PSG4: variants seen among roughly 807,000 people sequenced by gnomAD.
The protein encoded by PSG4 is pregnancy specific beta-1-glycoprotein 4.
A neutral mutation model predicts 44.3 loss-of-function variants in PSG4; 61 were observed. That is an observed-to-expected ratio of 1.38 (90% CI 1.12 to 1.70). The LOEUF is 1.70. PSG4 is among the 40% of genes most tolerant of loss of function. The pLI, the probability that PSG4 is intolerant of heterozygous loss-of-function variation, is 0.00. For synonymous variants in PSG4, 248 were observed against 191.3 expected, an observed-to-expected ratio of 1.30 and a Z score of -2.45; for missense variants, 677 against 511.7, an observed-to-expected ratio of 1.32 and a Z score of -3.12.
intron 1 of PSG4, 59 bp from the exon 2 acceptor site, chr19:43,204,310 G>T: frequency 6.7e-7 from 1 of 1,486,820 alleles, no homozygotes; most frequent in Non-Finnish European, 9.0e-7. Context: ...GTGAAAAGAT[G>T]GGTCCTGAGA....
At chr19:43,202,285 G>C (rs1291399498) in intron 2 of PSG4, among the ~76,000 whole-genome samples, 4 of 143,820 alleles carry the variant, frequency 2.8e-5, no homozygotes, top group African/African-American at 8.1e-5. Flanking sequence ...GAGACCCCAG[G>C]GACCAGGTGC....
chr19:43,203,650 C>G, intron 2 of PSG4: 1 of 686,652 alleles, frequency 1.5e-6, no homozygotes. Flanking sequence ...TGCTGAGTCC[C>G]CCCATCAGAC....
rs1199038157 is a variant in PSG4, at chr19:43,204,259, G to T, written c.65-8C>A. On this transcript the variant is annotated splice_polypyrimidine_tract_variant and splice_region_variant and intron_variant, in intron 1 of 5. Coordinates refer to ENST00000405312, the MANE Select transcript of PSG4 (RefSeq NM_002780.5). ...AGAAGTTTAAAAGTGATGCTAGGAG[G>T]TACAGAGAGCATCAGTTAATATTGA... 2.6e-6 allele frequency: 4 copies of T among 1,562,246 alleles called. No homozygotes were observed. The highest frequency in any genetic ancestry group is 2.9e-5 in the African/African-American group (2 of 68,104).
At chr19:43,197,271 G>A (rs56405135) in intron 3 of PSG4, among the ~76,000 whole-genome samples, 7,424 of 145,236 alleles carry the variant, frequency 0.051, 864 homozygotes, top group Non-Finnish European at 0.067. Context: ...CAGAGGGCAG[G>A]TGGCTTTTCC....
Position 43,193,877 on chromosome 19 carries a change from T to A in PSG4, c.1243+463A>T. ...GCAAATATGTGTATTACCATAAACA[T>A]ATCAATACTCATGAATAGTTGCCCA... On this transcript the variant is annotated intron_variant, in intron 5 of 5. Coordinates refer to ENST00000405312, the MANE Select transcript of PSG4 (RefSeq NM_002780.5). 6 of 667,252 alleles carry A rather than the reference T, an allele frequency of 9.0e-6. No individual in the cohort carries two copies. In the South Asian group the frequency reaches 9.9e-5, roughly 11 times the overall value. 41.3% of individuals were successfully genotyped at this position (667,252 alleles called of 1,614,324 possible). A position where few individuals can be genotyped will look rare whatever the true frequency, so the allele number is the denominator to read the frequency against.
At chr19:43,205,111 C>CTTTTTTCTTTTTTTT (rs1967717514) in intron 1 of PSG4, among the ~76,000 whole-genome samples, 1 of 90,852 alleles carries the variant, frequency 1.1e-5, no homozygotes, top group Non-Finnish European at 1.9e-5. Flanking sequence ...TTCCTTTTTT[C>CTTTTTTCTTTTTTTT]TTTTTTTTTT....
At chr19:43,198,671 G>C in intron 2 of PSG4, 6 of 201,130 alleles carry the variant, frequency 3.0e-5, no homozygotes, top group Non-Finnish European at 5.8e-5. Flanking sequence ...CCCGAGGTAT[G>C]TTTTCTCTGC....
rs1440463558 is a variant in PSG4 at position 43,201,786 on chromosome 19, C to A, written c.430+2100G>T. Among the ~76,000 whole-genome samples the A allele has an allele frequency of 5.0e-5, 7 of 140,788 alleles. 1 individual carries two copies. The highest frequency in any genetic ancestry group is 2.7e-4 in the East Asian group (1 of 3,712). The allele number at this position is 140,788 out of a possible 152,430, so 92.4% of individuals were successfully genotyped here. The stretch of plus-strand genomic sequence containing the variant: ...TTGGCAGACTTGGAGTCGTTAAAAT[C>A]TTTCTTGACTAGAAACCAACATTTC... On this transcript the variant is annotated intron_variant, in intron 2 of 5. Coordinates refer to ENST00000405312, the MANE Select transcript of PSG4 (RefSeq NM_002780.5).
chr19:43,203,737 C>G, intron 2 of PSG4, 149 bp downstream of exon 2: 1 of 1,362,666 alleles, frequency 7.3e-7, no homozygotes, highest in Non-Finnish European at 9.9e-7. Flanking sequence ...TTTGTCTCCT[C>G]TGTGTGTCCT....
chr19:43,193,212 T>C lies in PSG4; in HGVS notation c.*160A>G, dbSNP rs1967086599. 2 of 762,218 alleles carry C rather than the reference T, an allele frequency of 2.6e-6. No individual in the cohort carries two copies. Among genetic ancestry groups the C allele is most frequent in the Non-Finnish European group, 4.8e-6 (2 of 416,334 alleles). 47.2% of individuals were successfully genotyped at this position (762,218 alleles called of 1,614,324 possible). A position where few individuals can be genotyped will look rare whatever the true frequency, so the allele number is the denominator to read the frequency against. ...GTAGCTGTTGTTATGGTGTCGAACATTTTGGTGAGTTCTGAGTGGCTCACA... is the reference window on the plus strand; with the variant it reads ...GTAGCTGTTGTTATGGTGTCGAACACTTTGGTGAGTTCTGAGTGGCTCACA... On this transcript the variant is annotated 3_prime_UTR_variant, in exon 6 of 6. Transcript: ENST00000405312.
rs768502519 is a variant in PSG4, at chr19:43,194,566, A to G, written c.1017T>C (p.Pro339=). The stretch of plus-strand genomic sequence containing the variant: ...CTCCTGAACGGTAATAGGTGAATGA[A>G]GGGTAAATGCTGGGGAGGTCTGGAC... The part of the protein sequence containing the change: ...LYGPDLPSIY[P]SFTYYRSGEN... Residue 339 remains proline (P), a synonymous_variant, in exon 5 of 6, where the codon CCT becomes CCC. Transcript: ENST00000405312. The G allele has an allele frequency of 6.2e-7, 1 of 1,612,222 alleles. No individual in the cohort carries two copies. The highest frequency in any genetic ancestry group is 8.5e-7 in the Non-Finnish European group (1 of 1,178,968).
intron 3 of PSG4, among the ~76,000 whole-genome samples, chr19:43,195,999 C>T (rs1216926211): frequency 2.0e-5 from 3 of 150,844 alleles, no homozygotes; most frequent in Non-Finnish European, 4.4e-5. Context: ...AACCATGTTC[C>T]CTGTCCTGGG....
rs1409047635 is a variant in PSG4, at chr19:43,199,335, TTG to T, written c.431-1062_431-1061del. Among the ~76,000 whole-genome samples the T allele has an allele frequency of 1.4e-5, 2 of 145,296 alleles. 1 individual carries two copies. The highest frequency in any genetic ancestry group is 5.3e-5 in the African/African-American group (2 of 37,832). On this transcript the variant is annotated intron_variant, in intron 2 of 5. Transcript: ENST00000405312. The stretch of plus-strand genomic sequence containing the variant: ...GAGTTGGGATCAGGGGAATAGGGTG[TTG>T]TTCCATGGTTGTGCATTTTCAGTTA...
intron 2 of PSG4, among the ~76,000 whole-genome samples, chr19:43,202,655 G>A (rs1967568028): frequency 1.4e-5 from 2 of 144,164 alleles, no homozygotes; most frequent in South Asian, 4.4e-4. Context: ...GGGCACTTTG[G>A]GAAACACAGG....
Position 43,205,310 on chromosome 19 carries a change from T to A in PSG4, c.64+163A>T, listed in dbSNP as rs1342345186. ...TTTTAGTAGAGACAGGGCTTCACAG[T>A]GTTGGCCAGACTGATCTTGAACTCC... On this transcript the variant is annotated intron_variant, in intron 1 of 5. Transcript: ENST00000405312. 1.2e-4 allele frequency among the ~76,000 whole-genome samples: 17 copies of A among 142,932 alleles called. 1 individual carries two copies. Among genetic ancestry groups the A allele is most frequent in the Non-Finnish European group, 1.5e-5 (1 of 66,726 alleles). 93.8% of individuals were successfully genotyped at this position (142,932 alleles called of 152,430 possible).
At position 43,195,552 on chromosome 19, in the gene PSG4, T is replaced by G. The variant is rs1231389507; in HGVS notation, c.710-279A>C. The stretch of plus-strand genomic sequence containing the variant: ...CATATCAGTGGGAGTCACAGCCCCT[T>G]GTACCCCTCCCAGTCCCTCCCTAAT... On this transcript the variant is annotated intron_variant, in intron 3 of 5. Coordinates refer to ENST00000405312, the MANE Select transcript of PSG4 (RefSeq NM_002780.5). Among the ~76,000 whole-genome samples, 19 of 151,488 alleles carry G rather than the reference T, an allele frequency of 1.3e-4. 1 individual carries two copies. The highest frequency in any genetic ancestry group is 2.6e-4 in the Admixed American group (4 of 15,148).
At chr19:43,205,327 T>C in intron 1 of PSG4, 146 bp downstream of exon 1, 2 of 1,044,064 alleles carry the variant, frequency 1.9e-6, no homozygotes, top group Non-Finnish European at 2.6e-6. Context: ...CAGACTGATC[T>C]TGAACTCCTG....
Position 43,200,211 on chromosome 19 carries a change from A to C in PSG4, c.431-1936T>G, listed in dbSNP as rs984685412. On this transcript the variant is annotated intron_variant, in intron 2 of 5. Transcript: ENST00000405312. ...AATGGCTCGTGTGTCTGCCCACGTG[A>C]AGAAATCCAACTTATGAAAATGGCA... 2.8e-5 allele frequency among the ~76,000 whole-genome samples: 4 copies of C among 144,714 alleles called. 1 individual carries two copies. The highest frequency in any genetic ancestry group is 2.1e-4 in the Admixed American group (3 of 14,550). The allele number at this position is 144,714 out of a possible 152,430, so 94.9% of individuals were successfully genotyped here. A position where few individuals can be genotyped will look rare whatever the true frequency, so the allele number is the denominator to read the frequency against.
intron 1 of PSG4, 149 bp downstream of exon 1, chr19:43,205,324 A>G: frequency 6.9e-6 from 7 of 1,017,354 alleles, no homozygotes; most frequent in Non-Finnish European, 8.2e-6. Flanking sequence ...GGCCAGACTG[A>G]TCTTGAACTC....
Sources: gnomAD v4.1 joint callset for allele counts (sites outside exome capture counted in the v4.1 genomes callset) on GRCh38, gnomAD v4.1.1 for gene constraint, MANE v1.5 for transcripts, NCBI Gene and HGNC (gene_info 2026-07-23, HGNC 2026-07-21) for gene names.